Variants in XKR4 observed in about 807,000 individuals in gnomAD.
The protein encoded by XKR4 is XK-related protein 4.
Under a neutral mutation model 53.9 loss-of-function variants are expected in XKR4, and 12 were observed. The observed-to-expected ratio is 0.22, with a 90% CI of 0.14 to 0.36. XKR4 has a LOEUF of 0.36. XKR4 is among the 10% of genes least tolerant of loss of function. XKR4 has a pLI of 1.00. For synonymous variants in XKR4, 354 were observed against 362.4 expected (o/e 0.98, Z 0.26); for missense variants, 799 against 859.5 (o/e 0.93, Z 0.88).
intron 2 of XKR4, among the ~76,000 whole-genome samples, chr8:55,393,362 C>T (rs1452103750): frequency 6.7e-6 from 1 of 148,324 alleles, no homozygotes; most frequent in East Asian, 2.0e-4. Flanking sequence ...TTCTGAAGTA[C>T]ATAAGAATAG....
chr8:55,304,335 A>G (rs1308214589), intron 1 of XKR4, among the ~76,000 whole-genome samples: 2 of 152,094 alleles, frequency 1.3e-5, no homozygotes, highest in Non-Finnish European at 2.9e-5. Context: ...CCTGAGTTCT[A>G]GTTTGATTGC....
At chr8:55,156,933 A>G (rs1816916219) in intron 1 of XKR4, among the ~76,000 whole-genome samples, 1 of 152,224 alleles carries the variant, frequency 6.6e-6, no homozygotes, top group African/African-American at 2.4e-5. Context: ...TATCCAAAAT[A>G]CAGTAACAGT....
Position 55,475,389 on chromosome 8 carries a change from TTGTTG to T in XKR4, c.1007-47890_1007-47886del, listed in dbSNP as rs1284829654. Among the ~76,000 whole-genome samples, 90 of 10,216 alleles carry T rather than the reference TTGTTG, an allele frequency of 8.8e-3. 2 individuals carry two copies. Among genetic ancestry groups the T allele is most frequent in the East Asian group, 0.078 (70 of 900 alleles). 6.7% of individuals were successfully genotyped at this position (10,216 alleles called of 152,430 possible). On this transcript the variant is annotated intron_variant, in intron 2 of 2. Coordinates refer to ENST00000327381, the MANE Select transcript of XKR4 (RefSeq NM_052898.2). Reference sequence around the variant, plus strand: ...TCATAAATGTTTTTTGCTTATTTTGTTGTTGTTGTTGTTGTTGTTGTTGTTGTTAG... The same window carrying T: ...TCATAAATGTTTTTTGCTTATTTTGTTTGTTGTTGTTGTTGTTGTTGTTAG...
At chr8:55,498,488 G>C (rs546500305) in intron 2 of XKR4, among the ~76,000 whole-genome samples, 1 of 152,138 alleles carries the variant, frequency 6.6e-6, no homozygotes, top group Non-Finnish European at 1.5e-5. Flanking sequence ...TGTGAAACGG[G>C]GTGATGCAGG....
At chr8:55,372,425 A>T (rs1246038792) in intron 2 of XKR4, among the ~76,000 whole-genome samples, 1 of 152,230 alleles carries the variant, frequency 6.6e-6, no homozygotes, top group Non-Finnish European at 1.5e-5. Context: ...ATTTCTAAAC[A>T]CTAAAAATAA....
In XKR4 at chr8:55,208,818, G is replaced by A. The variant is rs147895513; in HGVS notation, c.806+105524G>A. ...TTAAAACCCTACCGTGTGGACCCCC[G>A]CAGTTTGTCCCCTGCAAGCCTGGCC... On this transcript the variant is annotated intron_variant, in intron 1 of 2. Transcript: ENST00000327381. Among the ~76,000 whole-genome samples the A allele has an allele frequency of 4.8e-3, 726 of 152,162 alleles. 3 individuals are homozygous for A. Among genetic ancestry groups the A allele is most frequent in the Middle Eastern group, 0.014 (4 of 294 alleles).
chr8:55,244,903 T>TC, intron 1 of XKR4, among the ~76,000 whole-genome samples: 1 of 149,190 alleles, frequency 6.7e-6, no homozygotes, highest in East Asian at 2.0e-4. Flanking sequence ...CAACATTTTT[T>TC]TTTTTTTTTT....
rs1488361837 is a variant in XKR4 at position 55,528,707 on chromosome 8, C to CT, written c.*4481dup. The CT allele has an allele frequency of 6.6e-6, 1 of 152,092 alleles. No homozygotes were observed. The highest frequency in any genetic ancestry group is 1.5e-5 in the Non-Finnish European group (1 of 68,022). 9.4% of individuals were successfully genotyped at this position (152,092 alleles called of 1,614,324 possible). ...CACAGGAGGACTGGGGTGGTCATTC[C>CT]TATAATTTCAGTGACAGATGCAGAT... is the stretch of plus-strand genomic sequence containing the variant. On this transcript the variant is annotated 3_prime_UTR_variant, in exon 3 of 3. Coordinates refer to ENST00000327381, the MANE Select transcript of XKR4 (RefSeq NM_052898.2).
At chr8:55,115,432 A>G (rs1816292791) in intron 1 of XKR4, among the ~76,000 whole-genome samples, 2 of 151,764 alleles carry the variant, frequency 1.3e-5, no homozygotes, top group East Asian at 2.0e-4. Flanking sequence ...ACAATGCTTT[A>G]AGCAAAATGT....
rs1806978148 is a variant in XKR4 at position 55,533,135 on chromosome 8, A to AT, written c.*8912dup. Reference sequence around the variant, plus strand: ...TTCTATGATTGTAATCAAAATTCCTATTTTGATCGCACACCAGTAGAACGC... The same window carrying AT: ...TTCTATGATTGTAATCAAAATTCCTATTTTTGATCGCACACCAGTAGAACGC... On this transcript the variant is annotated 3_prime_UTR_variant, in exon 3 of 3. Coordinates refer to ENST00000327381, the MANE Select transcript of XKR4 (RefSeq NM_052898.2). The AT allele has an allele frequency of 6.6e-6, 1 of 152,198 alleles. No individual in the cohort carries two copies. Among genetic ancestry groups the AT allele is most frequent in the African/African-American group, 2.4e-5 (1 of 41,452 alleles). The allele number at this position is 152,198 out of a possible 1,614,324, so 9.4% of individuals were successfully genotyped here.
intron 1 of XKR4, among the ~76,000 whole-genome samples, chr8:55,143,811 C>T (rs1274907349): frequency 6.6e-6 from 1 of 152,216 alleles, no homozygotes; most frequent in Non-Finnish European, 1.5e-5. Flanking sequence ...CATGTCAGTA[C>T]ACTAAGCAAT....
At position 55,535,323 on chromosome 8, in the gene XKR4, C is replaced by T. The variant is rs1033024921; in HGVS notation, c.*11096C>T. 4 of 151,300 alleles carry T rather than the reference C, an allele frequency of 2.6e-5. 1 individual carries two copies. In the South Asian group the frequency reaches 6.3e-4, roughly 24 times the overall value. 9.4% of individuals were successfully genotyped at this position (151,300 alleles called of 1,614,324 possible). A position where few individuals can be genotyped will look rare whatever the true frequency, so the allele number is the denominator to read the frequency against. ...CATGTGCCATGTTGGTGTGCTGTAC[C>T]TATTAACTCGTCATTTAGCATCAGG... On this transcript the variant is annotated 3_prime_UTR_variant, in exon 3 of 3. Coordinates refer to ENST00000327381, the MANE Select transcript of XKR4 (RefSeq NM_052898.2).
At chr8:55,450,273 AGCC>A in intron 2 of XKR4, 1 of 698,830 alleles carries the variant, frequency 1.4e-6, no homozygotes, top group South Asian at 1.7e-5. Flanking sequence ...GGGTTCCCCG[AGCC>A]AGTTCCCAGT....
chr8:55,132,374 T>A (rs1274794012), intron 1 of XKR4, among the ~76,000 whole-genome samples: 3 of 152,226 alleles, frequency 2.0e-5, no homozygotes, highest in African/African-American at 7.2e-5. Flanking sequence ...GTGTGGATAG[T>A]ACCAAACCGT....
intron 1 of XKR4, among the ~76,000 whole-genome samples, chr8:55,261,105 A>C (rs573125644): frequency 1.2e-4 from 18 of 152,322 alleles, no homozygotes; most frequent in Admixed American, 1.0e-3. Flanking sequence ...TGTTAGGGGA[A>C]CCATATTTTA....
chr8:55,479,062 T>A (rs1806055134), intron 2 of XKR4, among the ~76,000 whole-genome samples: 1 of 152,070 alleles, frequency 6.6e-6, no homozygotes, highest in Admixed American at 6.5e-5. Flanking sequence ...AATAGACATC[T>A]ACAGAACTCT....
At chr8:55,231,029 G>T (rs1818032452) in intron 1 of XKR4, among the ~76,000 whole-genome samples, 1 of 152,142 alleles carries the variant, frequency 6.6e-6, no homozygotes, top group Non-Finnish European at 1.5e-5. Context: ...TGGTCTCTTT[G>T]GGCCTTTCCT....
intron 1 of XKR4, among the ~76,000 whole-genome samples, chr8:55,357,330 C>T (rs182904577): frequency 6.6e-6 from 1 of 152,270 alleles, no homozygotes; most frequent in African/African-American, 2.4e-5. Context: ...CTCATGAACA[C>T]CGTTAAGCAC....
intron 1 of XKR4, among the ~76,000 whole-genome samples, chr8:55,278,783 C>A (rs1818798867): frequency 6.6e-6 from 1 of 152,142 alleles, no homozygotes; most frequent in Admixed American, 6.5e-5. Flanking sequence ...AATTGGCCTG[C>A]ACTTCTTTCC....
Sources: allele counts gnomAD v4.1 joint callset (sites outside exome capture counted in the v4.1 genomes callset), GRCh38; gene constraint gnomAD v4.1.1; transcripts MANE v1.5; gene names NCBI Gene and HGNC (gene_info 2026-07-23, HGNC 2026-07-21).